Variants in F13A1 observed in about 807,000 individuals in gnomAD.
F13A1 encodes the protein coagulation factor XIII A chain.
F13A1 carries 47 observed loss-of-function variants against 80.1 expected under a neutral mutation model. The observed-to-expected ratio is 0.59, with a 90% CI of 0.46 to 0.75. The LOEUF (loss-of-function observed/expected upper bound fraction) is 0.75, where lower values mean the gene tolerates loss of function less well. F13A1 is among the 30% of genes least tolerant of loss of function. The pLI is 0.00. For missense variants in F13A1, 817 were observed against 930.4 expected (o/e 0.88, Z 1.59); for synonymous variants, 349 against 344.9 (o/e 1.01, Z -0.13).
chr6:6,305,253 A>T, intron 3 of F13A1, 98 bp downstream of exon 3: 5 of 1,336,672 alleles, frequency 3.7e-6, no homozygotes, highest in African/African-American at 2.9e-5. Flanking sequence ...GCCACTGTTG[A>T]CATATGACAC....
intron 6 of F13A1, among the ~76,000 whole-genome samples, chr6:6,226,203 C>CT (rs1757273502): frequency 6.6e-6 from 1 of 152,118 alleles, no homozygotes. Context: ...AGTCCAGGAG[C>CT]TTTTCCAAAA....
intron 3 of F13A1, among the ~76,000 whole-genome samples, chr6:6,290,574 T>A (rs1463992143): frequency 6.6e-6 from 1 of 152,206 alleles, no homozygotes; most frequent in Non-Finnish European, 1.5e-5. Flanking sequence ...TGGGCCTCTA[T>A]GAGAAGAGAC....
chr6:6,175,668 C>G (rs1760870635), intron 11 of F13A1, among the ~76,000 whole-genome samples: 1 of 152,182 alleles, frequency 6.6e-6, no homozygotes, highest in South Asian at 2.1e-4. Context: ...CACCTCTTTG[C>G]CTTTCTTTAC....
At chr6:6,305,708 T>C in intron 2 of F13A1, 169 bp from the exon 3 acceptor site, 1 of 655,712 alleles carries the variant, frequency 1.5e-6, no homozygotes, top group Non-Finnish European at 2.7e-6. Context: ...GTCAGCCTCT[T>C]GTGACATTCT....
At chr6:6,228,171 A>G (rs996568417) in intron 6 of F13A1, among the ~76,000 whole-genome samples, 1 of 152,204 alleles carries the variant, frequency 6.6e-6, no homozygotes, top group Non-Finnish European at 1.5e-5. Context: ...GTCCAGGACT[A>G]CGTACAGGAG....
intron 10 of F13A1, among the ~76,000 whole-genome samples, chr6:6,195,559 G>T (rs1298020786): frequency 6.6e-6 from 1 of 152,204 alleles, no homozygotes; most frequent in Non-Finnish European, 1.5e-5. Context: ...GCTAATGTTA[G>T]TAAAGCATTT....
intron 4 of F13A1, among the ~76,000 whole-genome samples, chr6:6,262,280 G>C (rs193121338): frequency 5.3e-5 from 8 of 152,178 alleles, no homozygotes; most frequent in Non-Finnish European, 8.8e-5. Context: ...TCCAAGCGTG[G>C]TGACCACAGA....
At chr6:6,236,187 C>T (rs1453657124) in intron 6 of F13A1, among the ~76,000 whole-genome samples, 2 of 152,048 alleles carry the variant, frequency 1.3e-5, no homozygotes, top group Admixed American at 6.6e-5. Context: ...AATAAGGAAA[C>T]TTCTGGGGGC....
At chr6:6,298,094 T>C (rs796800596) in intron 3 of F13A1, among the ~76,000 whole-genome samples, 3,348 of 144,074 alleles carry the variant, frequency 0.023, 92 homozygotes, top group African/African-American at 0.075. Context: ...CTAGTTTGAT[T>C]GCACTGTGGT....
At chr6:6,189,811 C>A (rs1470201436) in intron 10 of F13A1, among the ~76,000 whole-genome samples, 1 of 151,684 alleles carries the variant, frequency 6.6e-6, no homozygotes, top group Non-Finnish European at 1.5e-5. Flanking sequence ...TAATATCCTG[C>A]AGAGTGTTTT....
At chr6:6,268,973 G>A (rs1249752702) in intron 3 of F13A1, among the ~76,000 whole-genome samples, 2 of 148,506 alleles carry the variant, frequency 1.3e-5, no homozygotes, top group Non-Finnish European at 3.0e-5. Context: ...TTACAGGTGT[G>A]AGCCACCATG....
chr6:6,293,818 GGAGGGAGA>G (rs61356236), intron 3 of F13A1, among the ~76,000 whole-genome samples: 17,959 of 110,442 alleles, frequency 0.16, 2,295 homozygotes, highest in South Asian at 0.29. Flanking sequence ...AGGGAGGGAG[GGAGGGAGA>G]GAAGGAAATT....
At chr6:6,289,625 T>C (rs1758195318) in intron 3 of F13A1, among the ~76,000 whole-genome samples, 1 of 152,100 alleles carries the variant, frequency 6.6e-6, no homozygotes, top group Non-Finnish European at 1.5e-5. Context: ...AAAATCTCGG[T>C]CCTCCAATTT....
At chr6:6,228,409 T>G (rs1757305918) in intron 6 of F13A1, among the ~76,000 whole-genome samples, 1 of 152,186 alleles carries the variant, frequency 6.6e-6, no homozygotes, top group African/African-American at 2.4e-5. Flanking sequence ...CTGAGATTTC[T>G]AATTTATATT....
intron 10 of F13A1, among the ~76,000 whole-genome samples, chr6:6,183,496 G>C (rs1561646439): frequency 6.6e-6 from 1 of 152,180 alleles, no homozygotes. Context: ...GTCACCTGGA[G>C]AACTTTAAAC....
chr6:6,184,226 G>C (rs1029120965), intron 10 of F13A1, among the ~76,000 whole-genome samples: 4 of 152,220 alleles, frequency 2.6e-5, no homozygotes, highest in African/African-American at 4.8e-5. Context: ...GACTCAGAAG[G>C]GGGAGGCAAA....
chr6:6,200,150 T>A (rs1761367126), intron 8 of F13A1, among the ~76,000 whole-genome samples: 1 of 152,180 alleles, frequency 6.6e-6, no homozygotes, highest in African/African-American at 2.4e-5. Flanking sequence ...ACACTTGTGA[T>A]GCTCTGGATT....
chr6:6,257,094 C>T (rs1389060668), intron 4 of F13A1, among the ~76,000 whole-genome samples: 1 of 152,158 alleles, frequency 6.6e-6, no homozygotes, highest in Non-Finnish European at 1.5e-5. Context: ...TTGCTTCCCC[C>T]TTTATATAAA....
chr6:6,249,391 G>C (rs555066785), intron 5 of F13A1, among the ~76,000 whole-genome samples: 1 of 152,338 alleles, frequency 6.6e-6, no homozygotes, highest in Non-Finnish European at 1.5e-5. Flanking sequence ...AGCTGTGTTT[G>C]CTGGGCAGGA....
Sources: allele counts gnomAD v4.1 joint callset (sites outside exome capture counted in the v4.1 genomes callset), GRCh38; gene constraint gnomAD v4.1.1; transcripts MANE v1.5; gene names NCBI Gene and HGNC (gene_info 2026-07-23, HGNC 2026-07-21).